The following SP3 variants were observed in gnomAD, a reference collection of about 807,000 sequenced individuals.
SP3 encodes Sp3 transcription factor, also known as transcription factor Sp3.
In SP3, 10 loss-of-function variants were observed where a neutral mutation model predicts 70.3. The observed-to-expected ratio is 0.14, with a 90% CI of 0.09 to 0.24. SP3 has a LOEUF of 0.24. Ranked by LOEUF, SP3 falls within the 10% of genes least tolerant of loss-of-function variation. SP3 has a pLI of 1.00. For missense variants in SP3, 825 were observed against 914.6 expected, an observed-to-expected ratio of 0.90 and a Z score of 1.26; for synonymous variants, 402 against 333.5, an observed-to-expected ratio of 1.21 and a Z score of -2.24.
At chr2:173,943,261 T>C (rs768926731) in intron 4 of SP3, among the ~76,000 whole-genome samples, 1 of 150,448 alleles carries the variant, frequency 6.6e-6, no homozygotes, top group Non-Finnish European at 1.5e-5. Flanking sequence ...ATCTGGCCCC[T>C]GACTGATTCC....
Position 173,965,361 on chromosome 2 carries a change from G to A in SP3, c.-190C>T, listed in dbSNP as rs1691261920. 1 of 637,256 alleles carries A rather than the reference G, an allele frequency of 1.6e-6. No homozygotes were observed. Among genetic ancestry groups the A allele is most frequent in the Non-Finnish European group, 2.7e-6 (1 of 370,844 alleles). 39.5% of individuals were successfully genotyped at this position (637,256 alleles called of 1,614,324 possible). On this transcript the variant is annotated 5_prime_UTR_variant, in exon 1 of 7. Coordinates refer to ENST00000310015, the MANE Select transcript of SP3 (RefSeq NM_003111.5). Reference sequence around the variant, plus strand: ...GGTGGAGCCTCCAGCCCAAAAGGGGGGAAGAGGGTGACAGCCCGCCCGGAA... The same window carrying A: ...GGTGGAGCCTCCAGCCCAAAAGGGGAGAAGAGGGTGACAGCCCGCCCGGAA...
At chr2:173,917,631 T>C (rs1339914263) in intron 5 of SP3, among the ~76,000 whole-genome samples, 1 of 152,148 alleles carries the variant, frequency 6.6e-6, no homozygotes, top group African/African-American at 2.4e-5. Flanking sequence ...GTACATTTTA[T>C]CTACTTAAAC....
intron 4 of SP3, among the ~76,000 whole-genome samples, chr2:173,933,780 A>G (rs1206753675): frequency 6.6e-6 from 1 of 151,622 alleles, no homozygotes; most frequent in Non-Finnish European, 1.5e-5. Context: ...TGCTTCAAAA[A>G]GCAAATGAAA....
At chr2:173,952,066 T>C (rs1283349803) in intron 4 of SP3, among the ~76,000 whole-genome samples, 1 of 152,044 alleles carries the variant, frequency 6.6e-6, no homozygotes, top group Non-Finnish European at 1.5e-5. Context: ...GCAAATGCTT[T>C]CCAGTTTTTT....
chr2:173,950,349 T>C (rs1438880974), intron 4 of SP3, among the ~76,000 whole-genome samples: 1 of 151,988 alleles, frequency 6.6e-6, no homozygotes, highest in South Asian at 2.1e-4. Flanking sequence ...TCTCCTTTAT[T>C]TTGGGAAATT....
rs1315998028 is a variant in SP3, at chr2:173,904,502, A to C, written c.*5439T>G. ...TGAAATGCAGATAGTGAAATGCAAG[A>C]CACTGGAACAAACACTGCCAAGTTA... On this transcript the variant is annotated 3_prime_UTR_variant, in exon 7 of 7. Transcript: ENST00000310015. Among the ~76,000 whole-genome samples the C allele has an allele frequency of 6.6e-6, 1 of 152,198 alleles. No homozygotes were observed. The highest frequency in any genetic ancestry group is 1.5e-5 in the Non-Finnish European group (1 of 68,022).
intron 3 of SP3, among the ~76,000 whole-genome samples, chr2:173,958,893 G>T (rs1690976450): frequency 6.6e-6 from 1 of 152,098 alleles, no homozygotes; most frequent in African/African-American, 2.4e-5. Context: ...CCTTGCAGGG[G>T]CATAAGAATC....
intron 4 of SP3, among the ~76,000 whole-genome samples, chr2:173,928,804 G>A (rs1689988704): frequency 1.3e-5 from 2 of 152,116 alleles, no homozygotes; most frequent in South Asian, 4.1e-4. Context: ...CCTGGATCTT[G>A]GCAGTTTTAG....
At chr2:173,950,735 C>T (rs555976479) in intron 4 of SP3, among the ~76,000 whole-genome samples, 9 of 151,674 alleles carry the variant, frequency 5.9e-5, no homozygotes, top group African/African-American at 1.9e-4. Flanking sequence ...GCATACTACA[C>T]GTAACACTGA....
intron 4 of SP3, among the ~76,000 whole-genome samples, chr2:173,924,670 G>T (rs906907467): frequency 6.6e-6 from 1 of 152,180 alleles, no homozygotes; most frequent in African/African-American, 2.4e-5. Context: ...GTTGAAAATG[G>T]ATGGAGCCAG....
chr2:173,961,940 T>TTG (rs374300163), intron 3 of SP3, among the ~76,000 whole-genome samples: 12,975 of 119,374 alleles, frequency 0.11, 728 homozygotes, highest in African/African-American at 0.2. Context: ...TTTGGGTTTT[T>TTG]TTTTTTTTTT....
intron 5 of SP3, among the ~76,000 whole-genome samples, chr2:173,917,813 T>A (rs1422493414): frequency 6.6e-6 from 1 of 152,002 alleles, no homozygotes; most frequent in Non-Finnish European, 1.5e-5. Context: ...AAGAAATACA[T>A]CTCTGTCTTA....
chr2:173,931,422 C>T (rs916585971), intron 4 of SP3, among the ~76,000 whole-genome samples: 2 of 152,154 alleles, frequency 1.3e-5, no homozygotes, highest in Non-Finnish European at 2.9e-5. Context: ...CGGCTCACTG[C>T]AACCTCCACC....
rs1276650604 is a variant in SP3, at chr2:173,906,621, GCAA to G, written c.*3317_*3319del. ...CAAATGTTATTCCATAATCATTTAT[GCAA>G]CAACCCCAAATTTCAAACAATATTG... On this transcript the variant is annotated 3_prime_UTR_variant, in exon 7 of 7. Coordinates refer to ENST00000310015, the MANE Select transcript of SP3 (RefSeq NM_003111.5). The G allele has an allele frequency of 6.6e-5, 10 of 152,168 alleles. No individual in the cohort carries two copies. The highest frequency in any genetic ancestry group is 5.9e-4 in the Admixed American group (9 of 15,268). The allele number at this position is 152,168 out of a possible 1,614,324, so 9.4% of individuals were successfully genotyped here.
intron 6 of SP3, 70 bp from the exon 7 acceptor site, chr2:173,910,327 A>C: frequency 2.3e-6 from 3 of 1,326,044 alleles, no homozygotes; most frequent in Non-Finnish European, 3.2e-6. Flanking sequence ...TCTCCCCCAA[A>C]ACAGAAAGTA....
chr2:173,926,416 T>G (rs998262322), intron 4 of SP3, among the ~76,000 whole-genome samples: 1 of 152,194 alleles, frequency 6.6e-6, no homozygotes, highest in Non-Finnish European at 1.5e-5. Flanking sequence ...ATGTATGTAT[T>G]TATGCTACTC....
intron 4 of SP3, among the ~76,000 whole-genome samples, chr2:173,937,294 T>TC (rs1222489229): frequency 1.3e-5 from 2 of 152,188 alleles, no homozygotes; most frequent in East Asian, 1.9e-4. Flanking sequence ...CAAGAACACT[T>TC]CCACTGCAGT....
intron 5 of SP3, among the ~76,000 whole-genome samples, chr2:173,917,494 G>C (rs1057423990): frequency 6.6e-6 from 1 of 151,912 alleles, no homozygotes; most frequent in Non-Finnish European, 1.5e-5. Flanking sequence ...AACACCACTG[G>C]GAATACGGTA....
intron 4 of SP3, among the ~76,000 whole-genome samples, chr2:173,949,404 G>C (rs1690646055): frequency 6.6e-6 from 1 of 151,410 alleles, no homozygotes; most frequent in African/African-American, 2.4e-5. Flanking sequence ...ACCAAAAAAA[G>C]GGAAGAAAAA....
Sources: gnomAD v4.1 joint callset for allele counts (sites outside exome capture counted in the v4.1 genomes callset) on GRCh38, gnomAD v4.1.1 for gene constraint, MANE v1.5 for transcripts, NCBI Gene and HGNC (gene_info 2026-07-23, HGNC 2026-07-21) for gene names.